Variants in ABTB2 observed in about 807,000 individuals in gnomAD.
ABTB2 encodes ankyrin repeat and BTB domain containing 2, also known as ankyrin repeat and BTB/POZ domain-containing protein 2.
Under a neutral mutation model 104.1 loss-of-function variants are expected in ABTB2, and 56 were observed. The ratio of observed to expected loss-of-function variants is 0.54; its 90% CI spans 0.43 to 0.67. The LOEUF is 0.67. Among genes scored for constraint, ABTB2 ranks in the 30% least tolerant of loss-of-function variants. ABTB2 has a pLI of 0.00. For missense variants in ABTB2, 1,279 were observed against 1,407.7 expected, an observed-to-expected ratio of 0.91 and a Z score of 1.46; for synonymous variants, 606 against 608.2, an observed-to-expected ratio of 1.00 and a Z score of 0.05.
At chr11:34,308,261 C>G (rs1424697260) in intron 1 of ABTB2, among the ~76,000 whole-genome samples, 2 of 152,152 alleles carry the variant, frequency 1.3e-5, no homozygotes. Context: ...ATTTCCAGCC[C>G]ATCACCTGAC....
rs1358953720 is a variant in ABTB2, at chr11:34,154,302, C to T, written c.2843G>A (p.Ser948Asn). 1 of 1,614,000 alleles carries T rather than the reference C, an allele frequency of 6.2e-7. No individual in the cohort carries two copies. The highest frequency in any genetic ancestry group is 2.2e-5 in the East Asian group (1 of 44,892). Residue 948 changes from serine (S) to asparagine (N), a missense_variant, in exon 16 of 17, where the codon AGC becomes AAC. Coordinates refer to ENST00000435224, the MANE Select transcript of ABTB2 (RefSeq NM_145804.3). The surrounding 1 kb of genome is among the most constrained non-coding windows in gnomAD (Gnocchi z 4.9). ...GTAGGTGTTCACGGCACTCTCCATG[C>T]TGAGGGTCTGGGAGCACAGGATCTC... Reference protein sequence around the residue: ...HCEILCSQTLSMESAVNTYKY... With the variant: ...HCEILCSQTLNMESAVNTYKY...
intron 1 of ABTB2, among the ~76,000 whole-genome samples, chr11:34,228,919 A>G (rs1372006277): frequency 6.6e-6 from 1 of 152,038 alleles, no homozygotes; most frequent in East Asian, 1.9e-4. Flanking sequence ...CAGGAGTTCG[A>G]GACCAGCCTG....
At chr11:34,275,153 C>A (rs958185284) in intron 1 of ABTB2, among the ~76,000 whole-genome samples, 2 of 152,214 alleles carry the variant, frequency 1.3e-5, no homozygotes, top group African/African-American at 2.4e-5. Context: ...CCAAACCCAA[C>A]AGGAAACATC....
chr11:34,297,787 A>AAAC (rs1854641339), intron 1 of ABTB2, among the ~76,000 whole-genome samples: 2 of 97,524 alleles, frequency 2.1e-5, no homozygotes, highest in African/African-American at 1.1e-4. Context: ...AAAAAAAATA[A>AAAC]AAATAAAGGA....
chr11:34,230,646 C>T (rs1853756602), intron 1 of ABTB2, among the ~76,000 whole-genome samples: 1 of 152,134 alleles, frequency 6.6e-6, no homozygotes, highest in Non-Finnish European at 1.5e-5. Context: ...TTATAATACC[C>T]TCCCACCAGA....
At chr11:34,201,630 G>C (rs1300081166) in intron 2 of ABTB2, among the ~76,000 whole-genome samples, 1 of 152,092 alleles carries the variant, frequency 6.6e-6, no homozygotes, top group South Asian at 2.1e-4. Context: ...AGGTCCAAGG[G>C]GTTCAGTGCC....
chr11:34,246,277 G>C (rs912859380), intron 1 of ABTB2, among the ~76,000 whole-genome samples: 2 of 152,066 alleles, frequency 1.3e-5, no homozygotes, highest in Non-Finnish European at 2.9e-5. Context: ...TCCAAACTTC[G>C]ATACAAGGGC....
At chr11:34,270,954 T>C (rs1590236217) in intron 1 of ABTB2, among the ~76,000 whole-genome samples, 1 of 152,328 alleles carries the variant, frequency 6.6e-6, no homozygotes, top group Non-Finnish European at 1.5e-5. Flanking sequence ...TACCTTGTAC[T>C]ACATACCTAA....
At chr11:34,255,880 A>AG (rs1255241593) in intron 1 of ABTB2, among the ~76,000 whole-genome samples, 1 of 152,184 alleles carries the variant, frequency 6.6e-6, no homozygotes, top group Non-Finnish European at 1.5e-5. Context: ...ATAAAAATAG[A>AG]GGGGGAGAAA....
Position 34,357,337 on chromosome 11 carries a change from C to T in ABTB2, c.247G>A (p.Asp83Asn). 1 of 1,520,736 alleles carries T rather than the reference C, an allele frequency of 6.6e-7. No individual in the cohort carries two copies. Among genetic ancestry groups the T allele is most frequent in the Non-Finnish European group, 8.9e-7 (1 of 1,128,534 alleles). The allele number at this position is 1,520,736 out of a possible 1,614,324, so 94.2% of individuals were successfully genotyped here. ...TVLPEDPEVA[D>N]LFSRCPRLPE... ...AGCCGCGGACAGCGCGAGAAGAGGT[C>T]GGCCACTTCGGGGTCCTCGGGCAGC... Residue 83 changes from aspartate to asparagine, a missense_variant, in exon 1 of 17, where the codon GAC becomes AAC. Transcript: ENST00000435224.
chr11:34,320,673 G>A (rs948465953), intron 1 of ABTB2, among the ~76,000 whole-genome samples: 1 of 152,158 alleles, frequency 6.6e-6, no homozygotes, highest in African/African-American at 2.4e-5. Flanking sequence ...GCATATGGGT[G>A]TCGTGTGTCC....
Position 34,197,317 on chromosome 11 carries a change from A to G in ABTB2, c.1244+8T>C. 1 of 1,613,458 alleles carries G rather than the reference A, an allele frequency of 6.2e-7. No individual in the cohort carries two copies. Among genetic ancestry groups the G allele is most frequent in the Non-Finnish European group, 8.5e-7 (1 of 1,179,824 alleles). On this transcript the variant is annotated splice_region_variant and intron_variant, in intron 3 of 16. Transcript: ENST00000435224. Reference sequence around the variant, plus strand: ...CCACCAGGTGCTCAGCCCAAGGAAGATCCCTACCGTTCATTGTTCAAGGTC... The same window carrying G: ...CCACCAGGTGCTCAGCCCAAGGAAGGTCCCTACCGTTCATTGTTCAAGGTC...
At chr11:34,163,339 C>T (rs76291729) in intron 9 of ABTB2, among the ~76,000 whole-genome samples, 6 of 152,282 alleles carry the variant, frequency 3.9e-5, no homozygotes, top group East Asian at 1.9e-4. Context: ...GAACTGAAGA[C>T]GGATGTCATG....
Position 34,165,342 on chromosome 11 carries a change from A to G in ABTB2, c.1770T>C (p.Ala590=). The change falls in exon 8 of 17, where the codon GCT becomes GCC. Residue 590 remains alanine, a synonymous_variant. Coordinates refer to ENST00000435224, the MANE Select transcript of ABTB2 (RefSeq NM_145804.3). ...HISVVQLLLD[A]GAHVEGSAVN... The stretch of plus-strand genomic sequence containing the variant: ...CTGCCGAGCCCTCGACATGGGCACC[A>G]GCATCCAGCAGCAACTGCCAGGGGC... The G allele has an allele frequency of 6.3e-7, 1 of 1,586,098 alleles. No individual in the cohort carries two copies. The highest frequency in any genetic ancestry group is 2.3e-5 in the East Asian group (1 of 42,930).
chr11:34,291,476 CCTT>C (rs1444240986), intron 1 of ABTB2, among the ~76,000 whole-genome samples: 1 of 152,148 alleles, frequency 6.6e-6, no homozygotes, highest in Non-Finnish European at 1.5e-5. Context: ...TGAAAACTAT[CCTT>C]CTAACTGATA....
In ABTB2 at chr11:34,154,320, A is replaced by G; in HGVS notation, c.2825T>C (p.Leu942Pro). The change falls in exon 16 of 17, where the codon CTG (leucine) becomes CCG (proline). Residue 942 changes from leucine to proline, a missense_variant. Physicochemically the swap from Leu to Pro is moderately conservative, Grantham distance 98. Coordinates refer to ENST00000435224, the MANE Select transcript of ABTB2 (RefSeq NM_145804.3). The surrounding 1 kb of genome is among the most constrained non-coding windows in gnomAD (Gnocchi z 4.9). ...CTCCATGCTGAGGGTCTGGGAGCAC[A>G]GGATCTCGCAGTGCCTCTGCAGGGC... ...LDALQRHCEI[L>P]CSQTLSMESA... The G allele has an allele frequency of 6.2e-7, 1 of 1,614,090 alleles. No individual in the cohort carries two copies. The highest frequency in any genetic ancestry group is 8.5e-7 in the Non-Finnish European group (1 of 1,179,988).
intron 1 of ABTB2, among the ~76,000 whole-genome samples, chr11:34,272,728 A>AAAAAAAAAAAAC (rs1565156120): frequency 7.5e-6 from 1 of 133,180 alleles, no homozygotes; most frequent in Admixed American, 8.8e-5. Context: ...AAAAAAAAAA[A>AAAAAAAAAAAAC]AAACCAACCA....
intron 1 of ABTB2, among the ~76,000 whole-genome samples, chr11:34,259,991 T>C (rs1227662314): frequency 6.6e-6 from 1 of 152,168 alleles, no homozygotes; most frequent in Non-Finnish European, 1.5e-5. Flanking sequence ...GTATTTTTTC[T>C]AGAGGTGGGG....
At chr11:34,333,781 G>A (rs942495565) in intron 1 of ABTB2, among the ~76,000 whole-genome samples, 5 of 151,918 alleles carry the variant, frequency 3.3e-5, no homozygotes, top group African/African-American at 9.7e-5. Flanking sequence ...TAAAATAAAG[G>A]AAAAACAGGT....
Sources: allele counts gnomAD v4.1 joint callset (sites outside exome capture counted in the v4.1 genomes callset), GRCh38; gene constraint gnomAD v4.1.1; non-coding constraint Gnocchi (gnomAD v3.1); transcripts MANE v1.5; gene names NCBI Gene and HGNC (gene_info 2026-07-23, HGNC 2026-07-21).